SCAPER: variants seen among roughly 807,000 people sequenced by gnomAD.
SCAPER encodes S-phase cyclin A associated protein in the ER, also known as S phase cyclin A-associated protein in the endoplasmic reticulum.
In SCAPER, 98 loss-of-function variants were observed where a neutral mutation model predicts 182.2. The observed-to-expected ratio is 0.54, with a 90% confidence interval of 0.46 to 0.64. SCAPER has a LOEUF of 0.64. Among genes scored for constraint, SCAPER ranks in the 30% least tolerant of loss-of-function variants. The pLI is 0.00. For synonymous variants in SCAPER, 605 were observed against 564.6 expected (o/e 1.07, Z -1.01); for missense variants, 1,432 against 1,690.0 (o/e 0.85, Z 2.68).
intron 25 of SCAPER, among the ~76,000 whole-genome samples, chr15:76,436,646 G>T (rs11072595): frequency 0.03 from 4,576 of 151,882 alleles, 93 homozygotes; most frequent in Non-Finnish European, 0.047. Flanking sequence ...TTCTAACATG[G>T]TCTCTGTTTT....
At chr15:76,807,634 T>C (rs928898385) in intron 5 of SCAPER, among the ~76,000 whole-genome samples, 1 of 151,546 alleles carries the variant, frequency 6.6e-6, no homozygotes, top group Non-Finnish European at 1.5e-5. Context: ...CTGCACCCAC[T>C]AACTCGTCAT....
intron 2 of SCAPER, among the ~76,000 whole-genome samples, chr15:76,882,873 C>G (rs2073643105): frequency 6.6e-6 from 1 of 152,162 alleles, no homozygotes; most frequent in South Asian, 2.1e-4. Flanking sequence ...ACCGTGTTAG[C>G]CAGGATGGTC....
intron 21 of SCAPER, among the ~76,000 whole-genome samples, chr15:76,653,900 C>G (rs1337389960): frequency 6.6e-6 from 1 of 152,120 alleles, no homozygotes; most frequent in Non-Finnish European, 1.5e-5. Flanking sequence ...TCAAAATAAA[C>G]TATCAGCCGA....
At chr15:76,725,400 T>C (rs1435477721) in intron 17 of SCAPER, among the ~76,000 whole-genome samples, 1 of 141,428 alleles carries the variant, frequency 7.1e-6, no homozygotes, top group African/African-American at 2.5e-5. Flanking sequence ...CTGAATTCTC[T>C]CTCTTAGTGT....
At chr15:76,351,418 G>T (rs974424569) in intron 30 of SCAPER, 130 bp from the exon 31 acceptor site, 2 of 674,254 alleles carry the variant, frequency 3.0e-6, no homozygotes, top group African/African-American at 1.9e-5. Flanking sequence ...AAATATAAAC[G>T]CTGAAGAAAC....
At chr15:76,720,007 C>G (rs2060118614) in intron 17 of SCAPER, among the ~76,000 whole-genome samples, 1 of 151,452 alleles carries the variant, frequency 6.6e-6, no homozygotes, top group Non-Finnish European at 1.5e-5. Context: ...TATACATGTG[C>G]CATGTTGGTG....
intron 25 of SCAPER, among the ~76,000 whole-genome samples, chr15:76,454,093 G>A (rs908857050): frequency 5.9e-5 from 9 of 152,112 alleles, no homozygotes; most frequent in African/African-American, 7.2e-5. Context: ...TTATGTCACC[G>A]GCTAGAGCTC....
intron 21 of SCAPER, among the ~76,000 whole-genome samples, chr15:76,623,397 T>C (rs2052278320): frequency 6.6e-6 from 1 of 152,260 alleles, no homozygotes; most frequent in African/African-American, 2.4e-5. Context: ...TTTAAATCTT[T>C]CATTCATCTT....
chr15:76,890,495 G>A (rs754392137), intron 1 of SCAPER, among the ~76,000 whole-genome samples: 11 of 152,158 alleles, frequency 7.2e-5, no homozygotes, highest in Non-Finnish European at 1.5e-4. Context: ...TATCACCACA[G>A]ATCCCACAGA....
intron 20 of SCAPER, among the ~76,000 whole-genome samples, chr15:76,672,313 A>T (rs1282184011): frequency 6.6e-6 from 1 of 152,226 alleles, no homozygotes; most frequent in Non-Finnish European, 1.5e-5. Context: ...AAAATTTGCA[A>T]GAGAAAATTA....
chr15:76,702,746 G>A (rs188562502), intron 19 of SCAPER, 104 bp downstream of exon 19: 94 of 1,338,660 alleles, frequency 7.0e-5, no homozygotes, highest in Admixed American at 1.0e-4. Flanking sequence ...GCCACATCTC[G>A]CCTGCCTTAG....
At chr15:76,600,823 A>T (rs2049881835) in intron 22 of SCAPER, among the ~76,000 whole-genome samples, 1 of 121,726 alleles carries the variant, frequency 8.2e-6, no homozygotes, top group African/African-American at 2.5e-5. Flanking sequence ...GTGGAGATGA[A>T]TAAAAACAAA....
chr15:76,663,461 A>T (rs1194075108), intron 21 of SCAPER, among the ~76,000 whole-genome samples: 1 of 152,186 alleles, frequency 6.6e-6, no homozygotes, highest in Non-Finnish European at 1.5e-5. Flanking sequence ...TAAATGTCCC[A>T]GATTGGAAAC....
At chr15:76,521,197 G>A (rs1046489994) in intron 23 of SCAPER, among the ~76,000 whole-genome samples, 4 of 152,072 alleles carry the variant, frequency 2.6e-5, no homozygotes, top group South Asian at 4.2e-4. Context: ...ACAAAGATAT[G>A]CCTTGGAATA....
chr15:76,798,866 G>C (rs2065533234), intron 7 of SCAPER, among the ~76,000 whole-genome samples: 1 of 151,746 alleles, frequency 6.6e-6, no homozygotes, highest in Non-Finnish European at 1.5e-5. Flanking sequence ...TAACAGACCT[G>C]TCCAACAAGA....
chr15:76,872,639 C>T (rs1472738395), intron 2 of SCAPER, among the ~76,000 whole-genome samples: 2 of 151,312 alleles, frequency 1.3e-5, no homozygotes, highest in African/African-American at 4.9e-5. Flanking sequence ...GGTTTGCACG[C>T]AAACCTACCT....
chr15:76,675,269 A>G (rs538637032), intron 20 of SCAPER, among the ~76,000 whole-genome samples: 4 of 152,376 alleles, frequency 2.6e-5, no homozygotes, highest in South Asian at 2.1e-4. Context: ...AAATTATAAT[A>G]TTTATATCTC....
At chr15:76,758,175 A>C (rs2062563324) in intron 14 of SCAPER, among the ~76,000 whole-genome samples, 1 of 152,042 alleles carries the variant, frequency 6.6e-6, no homozygotes, top group Non-Finnish European at 1.5e-5. Context: ...AAGATCAATA[A>C]GGTTTTTCTG....
At chr15:76,551,271 C>A (rs1487224031) in intron 23 of SCAPER, among the ~76,000 whole-genome samples, 1 of 152,034 alleles carries the variant, frequency 6.6e-6, no homozygotes, top group East Asian at 1.9e-4. Flanking sequence ...ATGTTTATTG[C>A]AGTACTATTC....
Sources: gnomAD v4.1 joint callset for allele counts (sites outside exome capture counted in the v4.1 genomes callset) on GRCh38, gnomAD v4.1.1 for gene constraint, MANE v1.5 for transcripts, NCBI Gene and HGNC (gene_info 2026-07-23, HGNC 2026-07-21) for gene names.